The following SLC26A8 variants were observed in gnomAD, a reference collection of about 807,000 sequenced individuals.
The protein encoded by SLC26A8 is testis anion transporter 1.
Under a neutral mutation model 105.0 loss-of-function variants are expected in SLC26A8, and 70 were observed. That is an observed-to-expected ratio of 0.67 (90% CI 0.55 to 0.81). The LOEUF is 0.81. Among genes scored for constraint, SLC26A8 ranks in the 40% least tolerant of loss-of-function variants. The probability of loss-of-function intolerance (pLI) is 0.00; values close to 1 mark genes in which losing one functional copy is unlikely to be tolerated. For missense variants in SLC26A8, 998 were observed against 1,181.8 expected (o/e 0.84, Z 2.28); for synonymous variants, 415 against 438.3 (o/e 0.95, Z 0.66).
chr6:35,986,615 C>G (rs913584091), intron 7 of SLC26A8, among the ~76,000 whole-genome samples: 1 of 152,240 alleles, frequency 6.6e-6, no homozygotes, highest in East Asian at 1.9e-4. Context: ...TCTTTCTGTG[C>G]CTGGCTTATT....
intron 12 of SLC26A8, among the ~76,000 whole-genome samples, 182 bp downstream of exon 12, chr6:35,962,344 G>T (rs548053039): frequency 3.2e-4 from 49 of 152,134 alleles, no homozygotes; most frequent in Non-Finnish European, 6.5e-4. Flanking sequence ...TTGGAATGAG[G>T]TCTTCGTGTT....
chr6:35,976,204 T>C (rs767957260), intron 9 of SLC26A8, among the ~76,000 whole-genome samples: 6 of 151,900 alleles, frequency 3.9e-5, no homozygotes, highest in Non-Finnish European at 8.8e-5. Context: ...GGCAGGCAGA[T>C]TGTGAGGTCA....
intron 10 of SLC26A8, chr6:35,969,892 C>T (rs1335890104): frequency 1.3e-5 from 2 of 152,194 alleles, no homozygotes; most frequent in Non-Finnish European, 2.9e-5. Flanking sequence ...GTTGGGTTGA[C>T]TACTTTGGGC....
intron 7 of SLC26A8, among the ~76,000 whole-genome samples, chr6:35,986,344 G>T (rs1157402570): frequency 6.6e-6 from 1 of 151,888 alleles, no homozygotes; most frequent in African/African-American, 2.4e-5. Flanking sequence ...ATCTTTTTTG[G>T]TGTGGTGAAA....
At position 35,951,213 on chromosome 6, in the gene SLC26A8, T is replaced by C. The variant is rs770472944; in HGVS notation, c.2422A>G (p.Ile808Val). ...RKVIGSSELS[I>V]DESETVIRET... is the part of the protein sequence containing the mutation. The stretch of plus-strand genomic sequence containing the variant: ...CGTATCACTGTCTCGGATTCATCGA[T>C]GCTTAACTCAGAGGAGCCTATGACC... Residue 808 changes from isoleucine (I) to valine (V), a missense_variant, in exon 19 of 20, where the codon ATC (isoleucine) becomes GTC (valine). Coordinates refer to ENST00000490799, the MANE Select transcript of SLC26A8 (RefSeq NM_052961.4). 1 of 1,613,976 alleles carries C rather than the reference T, an allele frequency of 6.2e-7. No individual in the cohort carries two copies. The highest frequency in any genetic ancestry group is 8.5e-7 in the Non-Finnish European group (1 of 1,179,996).
At chr6:35,946,958 GAC>G in intron 19 of SLC26A8, among the ~76,000 whole-genome samples, 1 of 151,592 alleles carries the variant, frequency 6.6e-6, no homozygotes, top group East Asian at 1.9e-4. Flanking sequence ...CCAAAGTGCT[GAC>G]ATTACAGGCA....
chr6:35,985,688 G>T (rs568467935), intron 7 of SLC26A8, among the ~76,000 whole-genome samples: 1 of 94,910 alleles, frequency 1.1e-5, no homozygotes, highest in Non-Finnish European at 1.9e-5. Context: ...GCAAGACTCC[G>T]TCTCAAAAAA....
intron 4 of SLC26A8, among the ~76,000 whole-genome samples, chr6:35,999,154 A>T (rs1467739544): frequency 6.6e-6 from 1 of 152,190 alleles, no homozygotes; most frequent in Admixed American, 6.5e-5. Context: ...TCGGCCTCCC[A>T]AAGTGCTGCG....
In SLC26A8 at chr6:35,943,994, T is replaced by G. The variant is rs752155289; in HGVS notation, c.2819A>C (p.Gln940Pro). The G allele has an allele frequency of 6.2e-7, 1 of 1,614,190 alleles. No individual in the cohort carries two copies. The highest frequency in any genetic ancestry group is 8.5e-7 in the Non-Finnish European group (1 of 1,180,032). ...CCATGTCCGAGTCTGAGTCTGAGAC[T>G]GGGTGGAAGCCATAGACGGATGATA... Reference protein sequence around the residue: ...PMYHPSMASTQSQTQTRTWSV... With the variant: ...PMYHPSMASTPSQTQTRTWSV... The change falls in exon 20 of 20, where the codon CAG becomes CCG. Residue 940 changes from glutamine (Q) to proline (P), a missense_variant. Physicochemically the swap from Gln to Pro is moderately conservative, Grantham distance 76. Coordinates refer to ENST00000490799, the MANE Select transcript of SLC26A8 (RefSeq NM_052961.4).
chr6:36,021,333 C>A (rs1232661780), intron 1 of SLC26A8, among the ~76,000 whole-genome samples: 1 of 151,264 alleles, frequency 6.6e-6, no homozygotes, highest in Non-Finnish European at 1.5e-5. Context: ...TCCCCCCCCA[C>A]CTTTCTTTCC....
intron 2 of SLC26A8, 148 bp downstream of exon 2, chr6:36,019,372 C>T (rs1398835788): frequency 3.4e-6 from 3 of 874,188 alleles, no homozygotes; most frequent in Non-Finnish European, 5.1e-6. Context: ...AGACAAACCA[C>T]AAAAATGACT....
intron 19 of SLC26A8, among the ~76,000 whole-genome samples, chr6:35,950,802 G>A (rs995893473): frequency 6.6e-6 from 1 of 152,036 alleles, no homozygotes; most frequent in Non-Finnish European, 1.5e-5. Flanking sequence ...TATAGCTAGG[G>A]GAGACATTTA....
At chr6:35,957,053 T>C (rs553006785) in intron 16 of SLC26A8, among the ~76,000 whole-genome samples, 1 of 151,852 alleles carries the variant, frequency 6.6e-6, no homozygotes, top group African/African-American at 2.4e-5. Flanking sequence ...AGAAACCACG[T>C]CTCTACTAAA....
At chr6:36,012,423 C>T (rs746227311) in intron 2 of SLC26A8, 51 bp from the exon 3 acceptor site, 51 of 1,525,738 alleles carry the variant, frequency 3.3e-5, no homozygotes, top group South Asian at 6.6e-5. Flanking sequence ...AGAAAATGCC[C>T]GCATAGCCAA....
intron 3 of SLC26A8, among the ~76,000 whole-genome samples, chr6:36,005,986 C>T (rs1338702513): frequency 3.9e-5 from 6 of 152,150 alleles, no homozygotes; most frequent in Non-Finnish European, 7.4e-5. Flanking sequence ...TTATTGTCAT[C>T]AGGTATTCAA....
intron 7 of SLC26A8, among the ~76,000 whole-genome samples, chr6:35,987,636 G>T (rs1773577850): frequency 6.6e-6 from 1 of 152,150 alleles, no homozygotes; most frequent in Non-Finnish European, 1.5e-5. Flanking sequence ...CTCCCAAAGT[G>T]CTGGGATTAC....
In SLC26A8 at chr6:35,981,362, C is replaced by T. The variant is rs949495081; in HGVS notation, c.1025+759G>A. ...GTTGCTCAAGGGCACCAATTCTGAC[C>T]GGGCACTGTGGCTCATGCCTGTAAT... On this transcript the variant is annotated intron_variant, in intron 8 of 19. Coordinates refer to ENST00000490799, the MANE Select transcript of SLC26A8 (RefSeq NM_052961.4). The surrounding 1 kb of genome is among the most constrained non-coding windows in gnomAD (Gnocchi z 4.0). Among the ~76,000 whole-genome samples the T allele has an allele frequency of 2.0e-5, 3 of 152,128 alleles. No individual in the cohort carries two copies. The highest frequency in any genetic ancestry group is 6.6e-5 in the Admixed American group (1 of 15,258).
At chr6:36,015,299 G>C (rs1333003388) in intron 2 of SLC26A8, among the ~76,000 whole-genome samples, 1 of 152,076 alleles carries the variant, frequency 6.6e-6, no homozygotes, top group African/African-American at 2.4e-5. Flanking sequence ...TTTTAGTAGA[G>C]ACGGGGTTTC....
chr6:36,012,511 G>A (rs1289483784), intron 2 of SLC26A8, 139 bp from the exon 3 acceptor site: 3 of 956,602 alleles, frequency 3.1e-6, no homozygotes, highest in African/African-American at 3.4e-5. Flanking sequence ...TATTGGACCA[G>A]ATAATTCTTT....
Sources: allele counts gnomAD v4.1 joint callset (sites outside exome capture counted in the v4.1 genomes callset), GRCh38; gene constraint gnomAD v4.1.1; non-coding constraint Gnocchi (gnomAD v3.1); transcripts MANE v1.5; gene names NCBI Gene and HGNC (gene_info 2026-07-23, HGNC 2026-07-21).